Variants in CACNA1I observed in about 807,000 individuals in gnomAD.
CACNA1I encodes the protein calcium voltage-gated channel subunit alpha1 I, also known as voltage-dependent T-type calcium channel subunit alpha-1I.
In CACNA1I, 74 loss-of-function variants were observed where a neutral mutation model predicts 201.6. The observed-to-expected ratio is 0.37, with a 90% CI of 0.30 to 0.45. The LOEUF is 0.45. CACNA1I is among the 20% of genes least tolerant of loss of function. CACNA1I has a pLI of 1.00. For missense variants in CACNA1I, 2,346 were observed against 3,138.1 expected (o/e 0.75, Z 6.03); for synonymous variants, 1,431 against 1,345.2 (o/e 1.06, Z -1.40).
chr22:39,649,562 C>A lies in CACNA1I; in HGVS notation c.1629C>A (p.Pro543=), dbSNP rs534441146. The A allele has an allele frequency of 7.7e-6, 12 of 1,551,098 alleles. No individual in the cohort carries two copies. In the South Asian group the frequency reaches 1.2e-4, roughly 15 times the overall value. ...CCCACACCCTGGTGCAGCCCATCCC[C>A]GCCACGCTGGCTTCCGATCCCGCCA... ...ATPHTLVQPI[P]ATLASDPASC... is the part of the protein sequence containing the mutation. Residue 543 remains proline, a synonymous_variant, in exon 10 of 37, where the codon CCC becomes CCA. Coordinates refer to ENST00000402142, the MANE Select transcript of CACNA1I (RefSeq NM_021096.4). This position sits in a 1 kb window ranked among gnomAD's most constrained non-coding sequence, Gnocchi z 7.3.
intron 1 of CACNA1I, among the ~76,000 whole-genome samples, chr22:39,583,197 AATCCATCC>A (rs142463491): frequency 2.5e-5 from 3 of 119,684 alleles, no homozygotes; most frequent in Middle Eastern, 4.5e-3. Context: ...TCTATCCAAC[AATCCATCC>A]ATCCATCCAT....
chr22:39,667,554 C>T (rs1175630504), intron 23 of CACNA1I, among the ~76,000 whole-genome samples: 1 of 152,120 alleles, frequency 6.6e-6, no homozygotes, highest in Non-Finnish European at 1.5e-5. Flanking sequence ...AAGTTCAGTT[C>T]AGAAAACCTT....
chr22:39,668,374 A>G lies in CACNA1I; in HGVS notation c.4187A>G (p.Asp1396Gly). ...MYNGLDAVAV[D>G]QQPVTNHNPW... ...AATGGACTGGATGCTGTTGCTGTGG[A>G]CCAGCAGGTGGGTGTAGCTGGGACC... The change falls in exon 24 of 37, where the codon GAC becomes GGC. Residue 1396 changes from aspartate to glycine, a missense_variant. Asp to Gly is a moderately conservative substitution (Grantham distance 94, BLOSUM62 -1). Transcript: ENST00000402142. The G allele has an allele frequency of 6.2e-7, 1 of 1,609,350 alleles. No homozygotes were observed. The highest frequency in any genetic ancestry group is 8.5e-7 in the Non-Finnish European group (1 of 1,175,790).
intron 3 of CACNA1I, among the ~76,000 whole-genome samples, chr22:39,611,825 T>G (rs1301815607): frequency 2.0e-5 from 3 of 152,148 alleles, no homozygotes; most frequent in Non-Finnish European, 4.4e-5. Context: ...CTGCCTGGGT[T>G]CTGTCTTTGC....
Position 39,662,014 on chromosome 22 carries a change from G to T in CACNA1I, c.2951G>T (p.Trp984Leu). ...GGGCCATGGGGCCGCAGCGCGGCCT[G>T]GGCCAGCCGTCGCTCCAGCTGGAAC... Reference protein sequence around the residue: ...YYGPWGRSAAWASRRSSWNSL... With the variant: ...YYGPWGRSAALASRRSSWNSL... The change falls in exon 17 of 37, where the codon TGG becomes TTG. Residue 984 changes from tryptophan to leucine, a missense_variant. This residue lies in a region of CACNA1I where 288 missense variants were observed against 255.2 expected (regional missense o/e 1.13). Transcript: ENST00000402142. The T allele has an allele frequency of 6.4e-7, 1 of 1,566,876 alleles. No homozygotes were observed.
At chr22:39,586,989 C>T (rs1569048680) in intron 1 of CACNA1I, among the ~76,000 whole-genome samples, 1 of 152,182 alleles carries the variant, frequency 6.6e-6, no homozygotes, top group Non-Finnish European at 1.5e-5. Context: ...CCCTGGCCCC[C>T]AGGGACCTGC....
rs762395905 is a variant in CACNA1I at position 39,660,356 on chromosome 22, C to T, written c.2617C>T (p.Arg873Cys). Residue 873 changes from arginine (R) to cysteine (C), a missense_variant, in exon 15 of 37, where the codon CGC becomes TGC. Transcript: ENST00000402142. ...GATGCTCTCCCAGGGTGACGCCAAT[C>T]GCTCCTACTCGGACGAGGACCAGAG... ...EGFQAEGDAN[R>C]SYSDEDQSSS... 5.6e-6 allele frequency: 9 copies of T among 1,612,210 alleles called. No individual in the cohort carries two copies. The highest frequency in any genetic ancestry group is 1.1e-5 in the South Asian group (1 of 90,738).
chr22:39,628,457 G>A (rs907636302), intron 4 of CACNA1I, among the ~76,000 whole-genome samples: 1 of 152,092 alleles, frequency 6.6e-6, no homozygotes, highest in African/African-American at 2.4e-5. Flanking sequence ...GGGACCTTCA[G>A]TGAGACAGCC....
intron 10 of CACNA1I, among the ~76,000 whole-genome samples, chr22:39,655,804 A>G (rs573542039): frequency 6.6e-6 from 1 of 152,274 alleles, no homozygotes; most frequent in Non-Finnish European, 1.5e-5. Context: ...TGGATGGTCC[A>G]TTAGAAAAAG....
chr22:39,591,382 G>A (rs139529208), intron 1 of CACNA1I, among the ~76,000 whole-genome samples: 4,578 of 149,022 alleles, frequency 0.031, 220 homozygotes, highest in African/African-American at 0.1. Flanking sequence ...GGCTGGTCTT[G>A]AACTCCTGAC....
Position 39,634,590 on chromosome 22 carries a change from C to T in CACNA1I, c.606C>T (p.Leu202=). 6.2e-7 allele frequency: 1 copy of T among 1,613,968 alleles called. No individual in the cohort carries two copies. The highest frequency in any genetic ancestry group is 1.1e-5 in the South Asian group (1 of 91,078). ...GTATGCGGATCCTGGTGAACCTGCT[C>T]CTGGACACACTGCCCATGCTGGGGA... ...VPSMRILVNL[L]LDTLPMLGNV... The change falls in exon 5 of 37, where the codon CTC becomes CTT. Residue 202 remains leucine, a synonymous_variant. Coordinates refer to ENST00000402142, the MANE Select transcript of CACNA1I (RefSeq NM_021096.4).
In CACNA1I at chr22:39,679,740, A is replaced by G; in HGVS notation, c.5413A>G (p.Ser1805Gly). The change falls in exon 33 of 37, where the codon AGC (serine) becomes GGC (glycine). Residue 1805 changes from serine to glycine, a missense_variant. Coordinates refer to ENST00000402142, the MANE Select transcript of CACNA1I (RefSeq NM_021096.4). ...CGCCTAGGAGAACCTGTGGCTGGACAGCGTCTCTTTAATCATCAAGGACTC... is the reference window on the plus strand; with the variant it reads ...CGCCTAGGAGAACCTGTGGCTGGACGGCGTCTCTTTAATCATCAAGGACTC... ...SPAQENLWLDSVSLIIKDSLE... is the reference protein window; with the variant it reads ...SPAQENLWLDGVSLIIKDSLE... The G allele has an allele frequency of 6.2e-7, 1 of 1,611,962 alleles. No homozygotes were observed.
chr22:39,627,891 G>A (rs753611118), intron 4 of CACNA1I, among the ~76,000 whole-genome samples: 1 of 138,862 alleles, frequency 7.2e-6, no homozygotes, highest in Non-Finnish European at 1.6e-5. Context: ...ATGGGGAGAT[G>A]AAATGAGGGG....
chr22:39,630,313 C>G (rs1274667281), intron 4 of CACNA1I, among the ~76,000 whole-genome samples: 1 of 152,212 alleles, frequency 6.6e-6, no homozygotes, highest in Admixed American at 6.5e-5. Flanking sequence ...TGTGTATCAC[C>G]CATGTGGTTT....
intron 4 of CACNA1I, 132 bp from the exon 5 acceptor site, chr22:39,634,433 G>C: frequency 2.3e-6 from 2 of 852,672 alleles, no homozygotes; most frequent in East Asian, 4.8e-5. Flanking sequence ...CACTGAACAG[G>C]ATGGGAACAG....
At chr22:39,579,945 A>C (rs970095031) in intron 1 of CACNA1I, among the ~76,000 whole-genome samples, 4 of 152,192 alleles carry the variant, frequency 2.6e-5, no homozygotes, top group Non-Finnish European at 5.9e-5. Flanking sequence ...CACCATGCCC[A>C]GCCTCTTTTA....
At chr22:39,658,810 G>A (rs895336478) in intron 11 of CACNA1I, 121 bp from the exon 12 acceptor site, 7 of 863,936 alleles carry the variant, frequency 8.1e-6, no homozygotes, top group Middle Eastern at 4.6e-4. Context: ...ATATTTGTCA[G>A]ATGGATGGAT....
intron 16 of CACNA1I, 64 bp downstream of exon 16, chr22:39,661,374 A>C: frequency 8.0e-7 from 1 of 1,253,412 alleles, no homozygotes. Flanking sequence ...AGGGGCCCTG[A>C]AGAGAGGTAC....
At position 39,662,270 on chromosome 22, in the gene CACNA1I, G is replaced by A. The variant is rs1569088278; in HGVS notation, c.3207G>A (p.Glu1069=). Residue 1069 remains glutamate (E), a synonymous_variant, in exon 17 of 37, where the codon GAG becomes GAA. Coordinates refer to ENST00000402142, the MANE Select transcript of CACNA1I (RefSeq NM_021096.4). ...ACAGGGACTCGGTGGACCTGGCCGA[G>A]CTGGTGCCCGCGGTGGGCGCCCACC... ...LDNRDSVDLA[E]LVPAVGAHPR... The A allele has an allele frequency of 6.6e-7, 1 of 1,518,138 alleles. No individual in the cohort carries two copies. The highest frequency in any genetic ancestry group is 2.7e-5 in the East Asian group (1 of 37,696). The allele number at this position is 1,518,138 out of a possible 1,614,324, so 94.0% of individuals were successfully genotyped here.
Sources: gnomAD v4.1 joint callset for allele counts (sites outside exome capture counted in the v4.1 genomes callset) on GRCh38, gnomAD v4.1.1 for gene constraint, gnomAD v4.1.1 regional missense constraint, Gnocchi (gnomAD v3.1) non-coding constraint, MANE v1.5 for transcripts, NCBI Gene and HGNC (gene_info 2026-07-23, HGNC 2026-07-21) for gene names.